ADORA1: variants seen among roughly 807,000 people sequenced by gnomAD.
ADORA1 encodes adenosine A1 receptor, also known as adenosine receptor A1.
Under a neutral mutation model 19.9 loss-of-function variants are expected in ADORA1, and 6 were observed. The ratio of observed to expected loss-of-function variants is 0.30; its 90% CI spans 0.17 to 0.59. The LOEUF (loss-of-function observed/expected upper bound fraction) is 0.59, where lower values mean the gene tolerates loss of function less well. Among genes scored for constraint, ADORA1 ranks in the 20% least tolerant of loss-of-function variants. The pLI is 0.87. For synonymous variants in ADORA1, 194 were observed against 188.4 expected (o/e 1.03, Z -0.24); for missense variants, 302 against 439.2 (o/e 0.69, Z 2.79).
chr1:203,152,865 T>G (rs1438486690), intron 3 of ADORA1: 1 of 152,164 alleles, frequency 6.6e-6, no homozygotes, highest in African/African-American at 2.4e-5. Context: ...CCCAGGGCAT[T>G]GTCTCAAAGT....
At chr1:203,140,767 T>A (rs978332150) in intron 3 of ADORA1, among the ~76,000 whole-genome samples, 5 of 152,160 alleles carry the variant, frequency 3.3e-5, no homozygotes, top group Admixed American at 3.3e-4. Flanking sequence ...CCCTGAAGCT[T>A]CCAGAAGGAG....
At chr1:203,139,467 G>C (rs904739939) in intron 3 of ADORA1, among the ~76,000 whole-genome samples, 11 of 152,200 alleles carry the variant, frequency 7.2e-5, no homozygotes. Context: ...TCTAGGAAGT[G>C]GGAGAGTGAC....
intron 3 of ADORA1, among the ~76,000 whole-genome samples, chr1:203,144,273 T>A (rs772694673): frequency 4.6e-5 from 7 of 152,146 alleles, no homozygotes; most frequent in Non-Finnish European, 8.8e-5. Context: ...TGCACTGGCG[T>A]GTGAGCAATT....
chr1:203,128,364 G>A lies in ADORA1; in HGVS notation c.-126G>A, dbSNP rs1180565433. The stretch of plus-strand genomic sequence containing the variant: ...GCCCAGCCCAGCCCTACCGCGCGCG[G>A]CCCGGAGCTCTGTTCCCTGGAACTT... On this transcript the variant is annotated 5_prime_UTR_variant, in exon 2 of 4. Transcript: ENST00000337894. The surrounding 1 kb of genome is among the most constrained non-coding windows in gnomAD (Gnocchi z 5.9). 1 of 1,290,270 alleles carries A rather than the reference G, an allele frequency of 7.8e-7. No homozygotes were observed. Among genetic ancestry groups the A allele is most frequent in the East Asian group, 5.6e-5 (1 of 18,006 alleles). The allele number at this position is 1,290,270 out of a possible 1,614,324, so 79.9% of individuals were successfully genotyped here. A position where few individuals can be genotyped will look rare whatever the true frequency, so the allele number is the denominator to read the frequency against.
chr1:203,165,734 T>C lies in ADORA1; in HGVS notation c.815T>C (p.Ile272Thr). 6.2e-7 allele frequency: 1 copy of C among 1,613,628 alleles called. No individual in the cohort carries two copies. The highest frequency in any genetic ancestry group is 8.5e-7 in the Non-Finnish European group (1 of 1,179,682). ...CACAAGCCCAGCATCCTTACCTACA[T>C]TGCCATCTTCCTCACGCACGGCAAC... Reference protein sequence around the residue: ...SCHKPSILTYIAIFLTHGNSA... With the variant: ...SCHKPSILTYTAIFLTHGNSA... Residue 272 changes from isoleucine (I) to threonine (T), a missense_variant, in exon 4 of 4, where the codon ATT becomes ACT. By Grantham distance (89) the Ile-to-Thr change is moderately conservative. Coordinates refer to ENST00000337894, the MANE Select transcript of ADORA1 (RefSeq NM_000674.3). The surrounding 1 kb of genome is among the most constrained non-coding windows in gnomAD (Gnocchi z 5.9).
intron 3 of ADORA1, among the ~76,000 whole-genome samples, chr1:203,142,972 C>A (rs1292045646): frequency 2.0e-5 from 3 of 152,176 alleles, no homozygotes; most frequent in African/African-American, 7.2e-5. Flanking sequence ...CCATTACGGT[C>A]CCCTGGGGCC....
intron 3 of ADORA1, among the ~76,000 whole-genome samples, chr1:203,151,914 C>T (rs1655050105): frequency 6.6e-6 from 1 of 152,218 alleles, no homozygotes. Flanking sequence ...GGAATCCTTT[C>T]AGAAGGGACT....
intron 3 of ADORA1, among the ~76,000 whole-genome samples, chr1:203,142,440 C>T (rs1654725393): frequency 6.6e-6 from 1 of 152,176 alleles, no homozygotes; most frequent in Non-Finnish European, 1.5e-5. Context: ...GGAAGGACAC[C>T]TTAGTGGGGA....
At position 203,165,502 on chromosome 1, in the gene ADORA1, C is replaced by T. The variant is rs199949273; in HGVS notation, c.583C>T (p.Leu195Phe). The T allele has an allele frequency of 1.2e-6, 2 of 1,613,334 alleles. No homozygotes were observed. The highest frequency in any genetic ancestry group is 2.2e-5 in the South Asian group (2 of 90,984). Residue 195 changes from leucine (L) to phenylalanine (F), a missense_variant, in exon 4 of 4, where the codon CTC becomes TTC. By Grantham distance (22) the Leu-to-Phe change is conservative (BLOSUM62 0). Coordinates refer to ENST00000337894, the MANE Select transcript of ADORA1 (RefSeq NM_000674.3). The surrounding 1 kb of genome is among the most constrained non-coding windows in gnomAD (Gnocchi z 5.9). ...FFVWVLPPLL[L>F]MVLIYLEVFY... ...TGTGTGGGTGCTGCCCCCGCTTCTC[C>T]TCATGGTCCTCATCTACCTGGAGGT...
At chr1:203,157,839 T>G (rs1558136925) in intron 3 of ADORA1, among the ~76,000 whole-genome samples, 1 of 152,098 alleles carries the variant, frequency 6.6e-6, no homozygotes, top group African/African-American at 2.4e-5. Flanking sequence ...AGTCCTGAGG[T>G]GGCCCTGGGC....
chr1:203,151,784 G>T (rs1472977034), intron 3 of ADORA1, among the ~76,000 whole-genome samples: 1 of 81,274 alleles, frequency 1.2e-5, no homozygotes, highest in South Asian at 4.3e-4. Flanking sequence ...CTTCATGCAT[G>T]CATGCATTCA....
chr1:203,153,827 G>A (rs1280709549), intron 3 of ADORA1, among the ~76,000 whole-genome samples: 1 of 152,190 alleles, frequency 6.6e-6, no homozygotes, highest in African/African-American at 2.4e-5. Flanking sequence ...TTTCTCCACA[G>A]GAAGTAGTTT....
rs1382065228 is a variant in ADORA1 at position 203,128,315 on chromosome 1, A to G, written c.-175A>G. 1.3e-5 allele frequency: 17 copies of G among 1,285,808 alleles called. No homozygotes were observed. The highest frequency in any genetic ancestry group is 2.2e-4 in the Middle Eastern group (1 of 4,582). The allele number at this position is 1,285,808 out of a possible 1,614,324, so 79.6% of individuals were successfully genotyped here. A position where few individuals can be genotyped will look rare whatever the true frequency, so the allele number is the denominator to read the frequency against. The stretch of plus-strand genomic sequence containing the variant: ...GCGCTGCGGCGGGAGCCGGAGGACT[A>G]TGAGCTGCCGCGCGTTGTCCAGAGC... On this transcript the variant is annotated 5_prime_UTR_variant, in exon 2 of 4. It removes an upstream start codon present in the reference 5' UTR. Coordinates refer to ENST00000337894, the MANE Select transcript of ADORA1 (RefSeq NM_000674.3). The surrounding 1 kb of genome is among the most constrained non-coding windows in gnomAD (Gnocchi z 5.9).
At chr1:203,150,923 C>T in intron 3 of ADORA1, 1 of 733,990 alleles carries the variant, frequency 1.4e-6, no homozygotes, top group Non-Finnish European at 1.9e-6. Context: ...CAGAGCACAG[C>T]ATCCCAATCT....
At chr1:203,159,707 T>C (rs1235274952) in intron 3 of ADORA1, among the ~76,000 whole-genome samples, 2 of 152,254 alleles carry the variant, frequency 1.3e-5, no homozygotes, top group Non-Finnish European at 2.9e-5. Context: ...GATATTTTCA[T>C]GAGTCTGTTC....
chr1:203,151,790 ATTC>A (rs1655045011), intron 3 of ADORA1, among the ~76,000 whole-genome samples: 2 of 67,576 alleles, frequency 3.0e-5, no homozygotes, highest in African/African-American at 2.3e-4. Flanking sequence ...GCATGCATGC[ATTC>A]ATTCATTCAT....
intron 3 of ADORA1, among the ~76,000 whole-genome samples, chr1:203,146,127 G>A (rs1488002646): frequency 4.6e-5 from 7 of 152,096 alleles, no homozygotes. Context: ...TGGTGGGGGA[G>A]GGGTGCCTAC....
chr1:203,149,223 A>G lies in ADORA1; in HGVS notation c.342-16038A>G, dbSNP rs1171158776. 2.0e-5 allele frequency among the ~76,000 whole-genome samples: 3 copies of G among 152,256 alleles called. No individual in the cohort carries two copies. The East Asian group carries it at 5.8e-4, about 29-fold the overall frequency. On this transcript the variant is annotated intron_variant, in intron 3 of 3. Coordinates refer to ENST00000337894, the MANE Select transcript of ADORA1 (RefSeq NM_000674.3). ...CTGAGCACAGCACCTGGAAGTTTCC[A>G]TGAATGGTGGATGGAAAAAAAAGGC...
At chr1:203,142,915 C>T (rs1571791889) in intron 3 of ADORA1, among the ~76,000 whole-genome samples, 1 of 152,152 alleles carries the variant, frequency 6.6e-6, no homozygotes, top group Non-Finnish European at 1.5e-5. Flanking sequence ...CCAGCACACA[C>T]ACCTGCCGCA....
Sources: gnomAD v4.1 joint callset for allele counts (sites outside exome capture counted in the v4.1 genomes callset) on GRCh38, gnomAD v4.1.1 for gene constraint, Gnocchi (gnomAD v3.1) non-coding constraint, MANE v1.5 for transcripts, NCBI Gene and HGNC (gene_info 2026-07-23, HGNC 2026-07-21) for gene names.